BACH2: variants seen among roughly 807,000 people sequenced by gnomAD.
BACH2 encodes the protein BACH transcriptional regulator 2.
BACH2 carries 5 observed loss-of-function variants against 61.8 expected under a neutral mutation model. That is an observed-to-expected ratio of 0.08 (90% CI 0.04 to 0.17). The LOEUF (loss-of-function observed/expected upper bound fraction) is 0.17, where lower values mean the gene tolerates loss of function less well. Among genes scored for constraint, BACH2 ranks in the 10% least tolerant of loss-of-function variants. BACH2 has a pLI of 1.00. For synonymous variants in BACH2, 446 were observed against 440.1 expected, an observed-to-expected ratio of 1.01 and a Z score of -0.17; for missense variants, 824 against 1,091.1, an observed-to-expected ratio of 0.76 and a Z score of 3.45.
At chr6:90,156,281 A>C (rs1784994327) in intron 4 of BACH2, among the ~76,000 whole-genome samples, 1 of 152,222 alleles carries the variant, frequency 6.6e-6, no homozygotes, top group African/African-American at 2.4e-5. Flanking sequence ...CAACACTTCC[A>C]CTGCATCTTA....
chr6:89,934,995 CAAG>C (rs910632730), intron 8 of BACH2, among the ~76,000 whole-genome samples: 18 of 152,224 alleles, frequency 1.2e-4, no homozygotes, highest in Admixed American at 5.9e-4. Flanking sequence ...ATAAATTTAT[CAAG>C]AAAATATGTT....
At chr6:90,162,209 T>C (rs1245516632) in intron 4 of BACH2, among the ~76,000 whole-genome samples, 2 of 152,236 alleles carry the variant, frequency 1.3e-5, no homozygotes, top group Non-Finnish European at 1.5e-5. Flanking sequence ...TTTATAAATG[T>C]TGAATAAGTC....
At chr6:90,290,780 A>G (rs1772154550) in intron 1 of BACH2, among the ~76,000 whole-genome samples, 1 of 152,178 alleles carries the variant, frequency 6.6e-6, no homozygotes, top group Admixed American at 6.5e-5. Context: ...AGAAAGTGAC[A>G]GGGGAGGGAG....
In BACH2 at chr6:89,931,638, A is replaced by C. The variant is rs909067465; in HGVS notation, c.*770T>G. The stretch of plus-strand genomic sequence containing the variant: ...CAAACAAAACCCCCCAAACAAACAA[A>C]AAACAAACCTACAATGCTCAAATGA... On this transcript the variant is annotated 3_prime_UTR_variant, in exon 9 of 9. Transcript: ENST00000257749. 3 of 152,710 alleles carry C rather than the reference A, an allele frequency of 2.0e-5. No homozygotes were observed. Among genetic ancestry groups the C allele is most frequent in the Non-Finnish European group, 4.4e-5 (3 of 68,050 alleles). 9.5% of individuals were successfully genotyped at this position (152,710 alleles called of 1,614,324 possible). A position where few individuals can be genotyped will look rare whatever the true frequency, so the allele number is the denominator to read the frequency against.
At chr6:90,032,890 A>T (rs924100773) in intron 5 of BACH2, among the ~76,000 whole-genome samples, 9 of 152,194 alleles carry the variant, frequency 5.9e-5, no homozygotes, top group Non-Finnish European at 8.8e-5. Context: ...TCATGCTGCT[A>T]TTAAGACACA....
intron 4 of BACH2, among the ~76,000 whole-genome samples, chr6:90,121,514 A>G (rs970059816): frequency 5.9e-5 from 9 of 152,166 alleles, no homozygotes; most frequent in Non-Finnish European, 1.0e-4. Flanking sequence ...GCTATCTTGG[A>G]GCAAAAAGCC....
chr6:90,260,438 T>C (rs1279715004), intron 2 of BACH2, among the ~76,000 whole-genome samples: 1 of 152,202 alleles, frequency 6.6e-6, no homozygotes, highest in Non-Finnish European at 1.5e-5. Flanking sequence ...AGACATAATT[T>C]CAATCTTAAA....
chr6:90,241,639 T>C (rs1374632600), intron 3 of BACH2, among the ~76,000 whole-genome samples: 1 of 152,062 alleles, frequency 6.6e-6, no homozygotes, highest in Non-Finnish European at 1.5e-5. Context: ...CTAGGGTAGG[T>C]GGAAAAGAGG....
At chr6:90,159,973 G>A (rs1363927710) in intron 4 of BACH2, among the ~76,000 whole-genome samples, 1 of 152,200 alleles carries the variant, frequency 6.6e-6, no homozygotes, top group Non-Finnish European at 1.5e-5. Context: ...TTTTCAACGA[G>A]CTTTCAAAGT....
At chr6:90,076,876 T>C (rs951987909) in intron 5 of BACH2, among the ~76,000 whole-genome samples, 5 of 152,196 alleles carry the variant, frequency 3.3e-5, no homozygotes, top group African/African-American at 7.2e-5. Context: ...ATTAGATTTA[T>C]ATTTCACACT....
chr6:90,030,582 G>C (rs529084684), intron 5 of BACH2, among the ~76,000 whole-genome samples: 2 of 152,196 alleles, frequency 1.3e-5, no homozygotes, highest in African/African-American at 4.8e-5. Context: ...ACACCTCTAC[G>C]CAAATAAACT....
At chr6:90,131,357 G>T (rs192929002) in intron 4 of BACH2, among the ~76,000 whole-genome samples, 15 of 152,294 alleles carry the variant, frequency 9.8e-5, no homozygotes, top group Admixed American at 3.9e-4. Context: ...TACACTGCCG[G>T]CTGGCTTCAA....
In BACH2 at chr6:89,950,809, A is replaced by G. The variant is rs1355004467; in HGVS notation, c.1297T>C (p.Phe433Leu). ...ACTTGGTCACAAGCGCTGGAGGAGA[A>G]GATCACGCTCCTCCGGTCCAGCTCT... ...EGELDRRSVI[F>L]SSSACDQVST... Residue 433 changes from phenylalanine (F) to leucine (L), a missense_variant, in exon 7 of 9, where the codon TTC becomes CTC. Coordinates refer to ENST00000257749, the MANE Select transcript of BACH2 (RefSeq NM_021813.4). This position sits in a 1 kb window ranked among gnomAD's most constrained non-coding sequence, Gnocchi z 5.3. 1.2e-6 allele frequency: 2 copies of G among 1,614,048 alleles called. No individual in the cohort carries two copies. Among genetic ancestry groups the G allele is most frequent in the Non-Finnish European group, 1.7e-6 (2 of 1,180,034 alleles).
chr6:90,092,954 C>A (rs1419492245), intron 4 of BACH2, among the ~76,000 whole-genome samples: 1 of 152,092 alleles, frequency 6.6e-6, no homozygotes, highest in East Asian at 1.9e-4. Context: ...AGGTAGCATC[C>A]ATCAATCTGA....
At chr6:90,227,175 C>A (rs206913) in intron 3 of BACH2, among the ~76,000 whole-genome samples, 105,562 of 152,216 alleles carry the variant, frequency 0.69, 38,001 homozygotes, top group African/African-American at 0.9. Context: ...ATAACATTTT[C>A]AAAGTGCAGC....
chr6:90,093,854 C>T (rs1334336605), intron 4 of BACH2, among the ~76,000 whole-genome samples: 1 of 152,166 alleles, frequency 6.6e-6, no homozygotes, highest in Admixed American at 6.5e-5. Flanking sequence ...AAGTAGCTCA[C>T]CAGACTGCTC....
intron 7 of BACH2, among the ~76,000 whole-genome samples, chr6:89,939,263 T>C (rs1339513626): frequency 6.6e-6 from 1 of 152,144 alleles, no homozygotes; most frequent in Non-Finnish European, 1.5e-5. Context: ...TTGCCAGTCA[T>C]GTGAACAAGC....
At chr6:90,062,624 C>T (rs952733408) in intron 5 of BACH2, among the ~76,000 whole-genome samples, 14 of 152,138 alleles carry the variant, frequency 9.2e-5, no homozygotes, top group African/African-American at 3.4e-4. Context: ...CACCCAAAGA[C>T]CTTTATGTAT....
chr6:89,981,924 G>C (rs1008058308), intron 6 of BACH2, among the ~76,000 whole-genome samples: 1 of 152,010 alleles, frequency 6.6e-6, no homozygotes, highest in East Asian at 1.9e-4. Context: ...ATGGGGGTAG[G>C]GCAGGAGGGG....
Sources: gnomAD v4.1 joint callset for allele counts (sites outside exome capture counted in the v4.1 genomes callset) on GRCh38, gnomAD v4.1.1 for gene constraint, Gnocchi (gnomAD v3.1) non-coding constraint, MANE v1.5 for transcripts, NCBI Gene and HGNC (gene_info 2026-07-23, HGNC 2026-07-21) for gene names.